The following MSRA variants were observed in gnomAD, a reference collection of about 807,000 sequenced individuals.
MSRA encodes the protein mitochondrial peptide methionine sulfoxide reductase.
MSRA carries 54 observed loss-of-function variants against 31.3 expected under a neutral mutation model. The ratio of observed to expected loss-of-function variants is 1.73; its 90% CI spans 1.39 to 2.17. MSRA has a LOEUF of 2.17. Ranked by LOEUF, MSRA falls within the 30% of genes most tolerant of loss-of-function variation. The probability of loss-of-function intolerance (pLI) is 0.00; values close to 1 mark genes in which losing one functional copy is unlikely to be tolerated. For synonymous variants in MSRA, 169 were observed against 116.5 expected (o/e 1.45, Z -2.90); for missense variants, 507 against 300.9 (o/e 1.69, Z -5.07).
At chr8:10,242,059 G>A (rs1232317463) in intron 2 of MSRA, among the ~76,000 whole-genome samples, 2 of 152,164 alleles carry the variant, frequency 1.3e-5, no homozygotes, top group Admixed American at 6.5e-5. Flanking sequence ...ATCACCTGAG[G>A]TCAGGAGTTC....
chr8:10,287,998 G>A (rs1800028447), intron 3 of MSRA, among the ~76,000 whole-genome samples: 1 of 152,100 alleles, frequency 6.6e-6, no homozygotes, highest in Non-Finnish European at 1.5e-5. Context: ...GCATCCCAGA[G>A]AGTGCTCAGA....
At chr8:10,246,853 C>T (rs945522293) in intron 3 of MSRA, among the ~76,000 whole-genome samples, 20 of 151,846 alleles carry the variant, frequency 1.3e-4, no homozygotes, top group Admixed American at 2.6e-4. Context: ...CAAAATTAAA[C>T]GCTTATGCAT....
intron 2 of MSRA, among the ~76,000 whole-genome samples, chr8:10,214,203 C>T (rs1004976237): frequency 2.6e-5 from 4 of 152,098 alleles, no homozygotes; most frequent in Non-Finnish European, 4.4e-5. Context: ...GCCGAGTGTT[C>T]GCGTGACCTT....
At chr8:10,166,636 C>T (rs1195249361) in intron 1 of MSRA, among the ~76,000 whole-genome samples, 3 of 152,306 alleles carry the variant, frequency 2.0e-5, no homozygotes, top group South Asian at 2.1e-4. Flanking sequence ...GCTTTGCATT[C>T]TGTGGGCTGG....
intron 5 of MSRA, among the ~76,000 whole-genome samples, chr8:10,360,012 C>T (rs541370847): frequency 1.9e-4 from 29 of 152,292 alleles, no homozygotes; most frequent in Middle Eastern, 3.4e-3. Flanking sequence ...TCTATCTGCT[C>T]AATTTTGATT....
In MSRA at chr8:10,134,576, G is replaced by A. The variant is rs141799476; in HGVS notation, c.143-73257G>A. Among the ~76,000 whole-genome samples, 214 of 152,316 alleles carry A rather than the reference G, an allele frequency of 1.4e-3. 1 individual carries two copies. Among genetic ancestry groups the A allele is most frequent in the African/African-American group, 4.7e-3 (196 of 41,572 alleles). On this transcript the variant is annotated intron_variant, in intron 1 of 5. Transcript: ENST00000317173. ...CCTTCGGCCAAGGGATTCATCCTGCGGCACAGGCTCGAGTCTAAGTTTACC... is the reference window on the plus strand; with the variant it reads ...CCTTCGGCCAAGGGATTCATCCTGCAGCACAGGCTCGAGTCTAAGTTTACC...
intron 1 of MSRA, among the ~76,000 whole-genome samples, chr8:10,175,546 C>T (rs947683316): frequency 6.6e-6 from 1 of 152,002 alleles, no homozygotes; most frequent in Non-Finnish European, 1.5e-5. Flanking sequence ...TGGAAAATAC[C>T]CTCACTTTGG....
chr8:10,250,494 G>C (rs1417548045), intron 3 of MSRA: 1 of 701,624 alleles, frequency 1.4e-6, no homozygotes, highest in Non-Finnish European at 2.6e-6. Flanking sequence ...AAGTGGCACT[G>C]AATCCAGAAG....
At chr8:10,378,334 G>C (rs1805867326) in intron 5 of MSRA, among the ~76,000 whole-genome samples, 1 of 152,166 alleles carries the variant, frequency 6.6e-6, no homozygotes, top group Non-Finnish European at 1.5e-5. Context: ...GAGACTCATT[G>C]GGTGGGCAGC....
At chr8:10,251,124 G>A (rs192756703) in intron 3 of MSRA, among the ~76,000 whole-genome samples, 602 of 152,040 alleles carry the variant, frequency 4.0e-3, no homozygotes, top group Non-Finnish European at 7.4e-3. Flanking sequence ...TTCCAAATGC[G>A]TGTGATTTTT....
chr8:10,271,384 C>A (rs79727658), intron 3 of MSRA, among the ~76,000 whole-genome samples: 28,474 of 152,054 alleles, frequency 0.19, 3,565 homozygotes, highest in Non-Finnish European at 0.28. Flanking sequence ...AGGGCCTTCT[C>A]AATTATGTAA....
intron 1 of MSRA, among the ~76,000 whole-genome samples, chr8:10,144,903 C>T (rs1803009592): frequency 6.6e-6 from 1 of 152,038 alleles, no homozygotes; most frequent in African/African-American, 2.4e-5. Context: ...TGATTATTGC[C>T]ATTTTTTTGG....
chr8:10,311,710 C>G (rs772002061), intron 4 of MSRA, among the ~76,000 whole-genome samples: 1 of 152,090 alleles, frequency 6.6e-6, no homozygotes, highest in Non-Finnish European at 1.5e-5. Context: ...TCCAGGAGTT[C>G]AGGACCAGTC....
intron 4 of MSRA, among the ~76,000 whole-genome samples, chr8:10,309,421 CTGTT>C (rs1158143073): frequency 2.6e-5 from 4 of 152,186 alleles, no homozygotes; most frequent in East Asian, 3.9e-4. Flanking sequence ...TCACCAGCTG[CTGTT>C]TGTTTGTCTT....
chr8:10,260,462 C>G (rs555941166), intron 3 of MSRA, among the ~76,000 whole-genome samples: 10 of 152,134 alleles, frequency 6.6e-5, no homozygotes, highest in Non-Finnish European at 1.5e-4. Flanking sequence ...TAGCGGCACA[C>G]GTACACAAGC....
chr8:10,231,824 G>A (rs1235849293), intron 2 of MSRA, among the ~76,000 whole-genome samples: 1 of 152,050 alleles, frequency 6.6e-6, no homozygotes, highest in Non-Finnish European at 1.5e-5. Context: ...AATTGCTTGA[G>A]CCTGGGAGGC....
chr8:10,149,272 C>G (rs988420487), intron 1 of MSRA, among the ~76,000 whole-genome samples: 19 of 152,298 alleles, frequency 1.2e-4, no homozygotes, highest in Admixed American at 9.8e-4. Context: ...CAGGTGCCCA[C>G]CACCATGCCC....
chr8:10,131,358 G>C (rs1801881075), intron 1 of MSRA, among the ~76,000 whole-genome samples: 1 of 152,210 alleles, frequency 6.6e-6, no homozygotes, highest in African/African-American at 2.4e-5. Context: ...CAAAAGAGTG[G>C]AAATGGTATT....
chr8:10,310,215 G>C (rs1200155151), intron 4 of MSRA, among the ~76,000 whole-genome samples: 3 of 152,198 alleles, frequency 2.0e-5, no homozygotes, highest in Admixed American at 2.0e-4. Flanking sequence ...CAGATGTGCA[G>C]ACTCGGATTG....
Sources: allele counts gnomAD v4.1 joint callset (sites outside exome capture counted in the v4.1 genomes callset), GRCh38; gene constraint gnomAD v4.1.1; transcripts MANE v1.5; gene names NCBI Gene and HGNC (gene_info 2026-07-23, HGNC 2026-07-21).